ATXN1: variants seen among roughly 807,000 people sequenced by gnomAD.
ATXN1 encodes the protein ataxin 1, also known as ataxin-1.
ATXN1 carries 8 observed loss-of-function variants against 56.4 expected under a neutral mutation model. The observed-to-expected ratio is 0.14, with a 90% CI of 0.08 to 0.26. ATXN1 has a LOEUF of 0.26. Among genes scored for constraint, ATXN1 ranks in the 10% least tolerant of loss-of-function variants. ATXN1 has a pLI of 1.00. For missense variants in ATXN1, 987 were observed against 1,106.5 expected (o/e 0.89, Z 1.53); for synonymous variants, 514 against 494.6 (o/e 1.04, Z -0.52).
rs367700814 is a variant in ATXN1, at chr6:16,327,973, G to A, written c.338C>T (p.Thr113Ile). 1.2e-6 allele frequency: 2 copies of A among 1,613,370 alleles called. No individual in the cohort carries two copies. The highest frequency in any genetic ancestry group is 2.7e-5 in the African/African-American group (2 of 74,928). Residue 113 changes from threonine (T) to isoleucine (I), a missense_variant, in exon 7 of 8, where the codon ACC becomes ATC. Coordinates refer to ENST00000436367, the MANE Select transcript of ATXN1 (RefSeq NM_001128164.2). ...PAAYATPQPGTPVSPVQYAHL... is the reference protein window; with the variant it reads ...PAAYATPQPGIPVSPVQYAHL... The stretch of plus-strand genomic sequence containing the variant: ...AGCGTACTGCACGGGGGACACCGGG[G>A]TCCCTGGCTGCGGGGTGGCGTACGC...
At position 16,351,543 on chromosome 6, in the gene ATXN1, C is replaced by T. The variant is rs140932939; in HGVS notation, c.-160-23073G>A. Among the ~76,000 whole-genome samples the T allele has an allele frequency of 4.3e-3, 648 of 152,148 alleles. 4 individuals are homozygous for T. The highest frequency in any genetic ancestry group is 0.015 in the African/African-American group (604 of 41,482). The stretch of plus-strand genomic sequence containing the variant: ...TCTGCCTCTTGAGTTGCTGGGACTA[C>T]AGGCGCATGCCACCACGCCCAGCTA... On this transcript the variant is annotated intron_variant, in intron 6 of 7. Coordinates refer to ENST00000436367, the MANE Select transcript of ATXN1 (RefSeq NM_001128164.2).
At chr6:16,317,083 G>A (rs1760530527) in intron 7 of ATXN1, among the ~76,000 whole-genome samples, 1 of 151,928 alleles carries the variant, frequency 6.6e-6, no homozygotes, top group African/African-American at 2.4e-5. Flanking sequence ...TCTCGTTCTT[G>A]CAGCTGTGTT....
In ATXN1 at chr6:16,437,862, C is replaced by T. The variant is rs149127222; in HGVS notation, c.-161+48110G>A. On this transcript the variant is annotated intron_variant, in intron 6 of 7. Transcript: ENST00000436367. ...AGAGCTTCCTGTATTTTGAAATGCA[C>T]TGTCCATGGACCTTGTCTGGGGAAG... Among the ~76,000 whole-genome samples, 802 of 152,308 alleles carry T rather than the reference C, an allele frequency of 5.3e-3. 4 individuals are homozygous for T. The highest frequency in any genetic ancestry group is 0.018 in the African/African-American group (751 of 41,550).
chr6:16,632,596 G>C (rs1763525220), intron 3 of ATXN1, among the ~76,000 whole-genome samples: 1 of 152,048 alleles, frequency 6.6e-6, no homozygotes, highest in South Asian at 2.1e-4. Flanking sequence ...GGGCTGTAAG[G>C]GTCTCGCTGT....
chr6:16,411,807 C>T (rs527541713), intron 6 of ATXN1, among the ~76,000 whole-genome samples: 3 of 152,326 alleles, frequency 2.0e-5, no homozygotes, highest in East Asian at 1.9e-4. Context: ...TGCCTAATTC[C>T]TTCACCCTCT....
At chr6:16,552,673 A>G (rs577629284) in intron 4 of ATXN1, among the ~76,000 whole-genome samples, 44 of 152,340 alleles carry the variant, frequency 2.9e-4, no homozygotes, top group Non-Finnish European at 2.9e-5. Flanking sequence ...CACATCCAGC[A>G]TCTATCTTCG....
At chr6:16,569,098 G>A (rs1308430726) in intron 4 of ATXN1, among the ~76,000 whole-genome samples, 2 of 152,186 alleles carry the variant, frequency 1.3e-5, no homozygotes, top group Non-Finnish European at 2.9e-5. Context: ...CCCACACCTG[G>A]TTTCTAGCGG....
intron 2 of ATXN1, among the ~76,000 whole-genome samples, chr6:16,740,475 G>C (rs1760300052): frequency 6.6e-6 from 1 of 152,052 alleles, no homozygotes; most frequent in South Asian, 2.1e-4. Context: ...CCATCCACAA[G>C]GACTTCTCAG....
rs937240140 is a variant in ATXN1 at position 16,300,929 on chromosome 6, C to T, written c.*5400G>A. ...GAATACCGAGTTCCCCTCCCTCAGA[C>T]GAGGGCTATATGTAACAAAAATAAC... On this transcript the variant is annotated 3_prime_UTR_variant, in exon 8 of 8. Coordinates refer to ENST00000436367, the MANE Select transcript of ATXN1 (RefSeq NM_001128164.2). The T allele has an allele frequency of 1.3e-5, 2 of 152,556 alleles. No individual in the cohort carries two copies. The highest frequency in any genetic ancestry group is 1.9e-4 in the East Asian group (1 of 5,200). 9.5% of individuals were successfully genotyped at this position (152,556 alleles called of 1,614,324 possible).
intron 6 of ATXN1, among the ~76,000 whole-genome samples, chr6:16,436,765 G>A (rs981796498): frequency 1.3e-5 from 2 of 152,272 alleles, no homozygotes; most frequent in East Asian, 1.9e-4. Context: ...TAAAGTCTGA[G>A]GTCCTTACTC....
intron 2 of ATXN1, among the ~76,000 whole-genome samples, chr6:16,715,164 T>C (rs1484443548): frequency 3.9e-5 from 6 of 152,164 alleles, no homozygotes; most frequent in Non-Finnish European, 8.8e-5. Context: ...CATCTGCATA[T>C]GCCACATCCG....
intron 2 of ATXN1, among the ~76,000 whole-genome samples, chr6:16,686,967 A>G (rs1323317): frequency 0.82 from 124,393 of 152,092 alleles, 51,074 homozygotes; most frequent in African/African-American, 0.85. Flanking sequence ...TAGTGTTTAC[A>G]ATGACACTAT....
intron 2 of ATXN1, among the ~76,000 whole-genome samples, chr6:16,713,269 G>A (rs1412955211): frequency 2.6e-5 from 4 of 152,164 alleles, no homozygotes; most frequent in Admixed American, 1.3e-4. Flanking sequence ...AATCAGCACC[G>A]CTTCCTCTAT....
chr6:16,407,199 T>G (rs1758703932), intron 6 of ATXN1, among the ~76,000 whole-genome samples: 1 of 152,230 alleles, frequency 6.6e-6, no homozygotes, highest in Non-Finnish European at 1.5e-5. Flanking sequence ...TGGCTTCATT[T>G]TAAAAGATTG....
At chr6:16,673,974 A>G (rs114937629) in intron 2 of ATXN1, among the ~76,000 whole-genome samples, 3,483 of 152,234 alleles carry the variant, frequency 0.023, 72 homozygotes, top group Middle Eastern at 0.088. Flanking sequence ...ACTGGTTGAC[A>G]GCATGTGGCA....
At chr6:16,637,278 T>C (rs1157854105) in intron 3 of ATXN1, among the ~76,000 whole-genome samples, 1 of 142,736 alleles carries the variant, frequency 7.0e-6, no homozygotes, top group Non-Finnish European at 1.5e-5. Context: ...TTCTCACTCA[T>C]AGGTGGGAAT....
At chr6:16,740,674 A>C (rs185586134) in intron 2 of ATXN1, among the ~76,000 whole-genome samples, 1 of 152,262 alleles carries the variant, frequency 6.6e-6, no homozygotes, top group Admixed American at 6.5e-5. Context: ...CACTATAAAA[A>C]CATCTAACAT....
intron 6 of ATXN1, among the ~76,000 whole-genome samples, chr6:16,331,520 GC>G (rs1760992908): frequency 6.6e-6 from 1 of 152,160 alleles, no homozygotes; most frequent in Non-Finnish European, 1.5e-5. Context: ...TGGCCCTCCT[GC>G]AGCACTGATC....
At chr6:16,699,345 T>A (rs139253106) in intron 2 of ATXN1, among the ~76,000 whole-genome samples, 1 of 152,200 alleles carries the variant, frequency 6.6e-6, no homozygotes, top group East Asian at 1.9e-4. Context: ...TATGTCCCTG[T>A]CATTTACTAC....
Sources: gnomAD v4.1 joint callset for allele counts (sites outside exome capture counted in the v4.1 genomes callset) on GRCh38, gnomAD v4.1.1 for gene constraint, MANE v1.5 for transcripts, NCBI Gene and HGNC (gene_info 2026-07-23, HGNC 2026-07-21) for gene names.